EPB41L1: variants seen among roughly 807,000 people sequenced by gnomAD.
The protein encoded by EPB41L1 is band 4.1-like protein 1.
A neutral mutation model predicts 97.8 loss-of-function variants in EPB41L1; 29 were observed. That is an observed-to-expected ratio of 0.30 (90% CI 0.22 to 0.40). The LOEUF is 0.40. EPB41L1 is among the 10% of genes least tolerant of loss of function. The pLI, the probability that EPB41L1 is intolerant of heterozygous loss-of-function variation, is 1.00. For synonymous variants in EPB41L1, 383 were observed against 459.2 expected (o/e 0.83, Z 2.12); for missense variants, 812 against 1,162.3 (o/e 0.70, Z 4.38).
At chr20:36,125,467 T>C (rs887936759) in intron 2 of EPB41L1, 13 of 1,115,708 alleles carry the variant, frequency 1.2e-5, no homozygotes, top group Non-Finnish European at 1.6e-5. Flanking sequence ...GGAGGATCAA[T>C]GAGGTAGAAC....
intron 1 of EPB41L1, among the ~76,000 whole-genome samples, chr20:36,162,631 C>A (rs1019225256): frequency 2.6e-5 from 4 of 152,212 alleles, no homozygotes; most frequent in Non-Finnish European, 5.9e-5. Flanking sequence ...CCTTCTGCAT[C>A]GTCATCAGGA....
chr20:36,154,468 G>A (rs959340672), upstream of EPB41L1, among the ~76,000 whole-genome samples: 2 of 152,064 alleles, frequency 1.3e-5, no homozygotes, highest in Non-Finnish European at 1.5e-5. The surrounding 1 kb of genome is among the most constrained non-coding windows in gnomAD (Gnocchi z 5.5). Flanking sequence ...CGTGTGGCAC[G>A]GACCGGGAGG....
Position 36,212,310 on chromosome 20 carries a change from C to T in EPB41L1, c.2118C>T (p.Ala706=). 1 of 1,614,200 alleles carries T rather than the reference C, an allele frequency of 6.2e-7. No individual in the cohort carries two copies. Among genetic ancestry groups the T allele is most frequent in the Non-Finnish European group, 8.5e-7 (1 of 1,180,034 alleles). The part of the protein sequence containing the change: ...KTETMTVSSL[A]IRKKIEPEAV... ...AAACCATGACTGTCAGCAGTCTGGC[C>T]ATTAGAAAGAAGATTGAGCCGGAGG... Residue 706 remains alanine, a synonymous_variant, in exon 16 of 22, where the codon GCC becomes GCT. Transcript: ENST00000338074. This position sits in a 1 kb window ranked among gnomAD's most constrained non-coding sequence, Gnocchi z 4.8.
chr20:36,182,140 C>T, intron 5 of EPB41L1, 132 bp from the exon 6 acceptor site: 1 of 802,252 alleles, frequency 1.2e-6, no homozygotes, highest in Non-Finnish European at 2.2e-6. Flanking sequence ...GAATAATGTT[C>T]CAGCCTTCCT....
chr20:36,181,946 G>A (rs932464309), intron 5 of EPB41L1, among the ~76,000 whole-genome samples: 31 of 152,102 alleles, frequency 2.0e-4, no homozygotes, highest in African/African-American at 7.5e-4. Flanking sequence ...TATAAAATGG[G>A]GCTAATCATA....
At chr20:36,148,775 G>C (rs1011239561) in intron 2 of EPB41L1, 1 of 152,420 alleles carries the variant, frequency 6.6e-6, no homozygotes, top group African/African-American at 2.4e-5. Flanking sequence ...GTATAGAAGA[G>C]GAAGAGGGGC....
At chr20:36,214,300 CAG>C in intron 16 of EPB41L1, 55 bp from the exon 17 acceptor site, 1 of 1,420,574 alleles carries the variant, frequency 7.0e-7, no homozygotes. Context: ...GCCCAGGTGA[CAG>C]ATGCTGCAGG....
At chr20:36,225,306 A>G (rs1801933643) in intron 21 of EPB41L1, among the ~76,000 whole-genome samples, 1 of 152,086 alleles carries the variant, frequency 6.6e-6, no homozygotes, top group Admixed American at 6.6e-5. Context: ...TTCCTCCCAA[A>G]TCTCAGAGTG....
At chr20:36,127,356 G>A (rs2059012006) in intron 2 of EPB41L1, among the ~76,000 whole-genome samples, 1 of 152,170 alleles carries the variant, frequency 6.6e-6, no homozygotes, top group Admixed American at 6.5e-5. Context: ...GGCCCTGATT[G>A]GCTCCTGCTG....
intron 21 of EPB41L1, among the ~76,000 whole-genome samples, chr20:36,224,393 A>G (rs535685333): frequency 6.6e-6 from 1 of 152,310 alleles, no homozygotes; most frequent in East Asian, 1.9e-4. Context: ...TATGCCTGTA[A>G]TCTCAGCACT....
At chr20:36,188,746 G>A (rs1369082924) in intron 9 of EPB41L1, among the ~76,000 whole-genome samples, 4 of 151,912 alleles carry the variant, frequency 2.6e-5, no homozygotes, top group African/African-American at 9.7e-5. Flanking sequence ...TTAGAAGGCC[G>A]AGGAAGGTGG....
At chr20:36,188,641 C>CACACACACACACAG (rs1170858082) in intron 9 of EPB41L1, 142 bp downstream of exon 9, 28 of 273,738 alleles carry the variant, frequency 1.0e-4, no homozygotes, top group East Asian at 3.7e-4. Context: ...CACACACACA[C>CACACACACACACAG]AGAGAGAGAG....
intron 4 of EPB41L1, 48 bp downstream of exon 4, chr20:36,178,104 C>A: frequency 7.1e-7 from 1 of 1,412,092 alleles, no homozygotes; most frequent in Non-Finnish European, 1.0e-6. Flanking sequence ...CGTTAGGCTC[C>A]TGTAATCCTG....
At chr20:36,124,045 G>A (rs558983461) in intron 2 of EPB41L1, among the ~76,000 whole-genome samples, 100 of 152,060 alleles carry the variant, frequency 6.6e-4, no homozygotes, top group African/African-American at 2.3e-3. Flanking sequence ...TCAGGAGATC[G>A]AGACCATCCT....
At chr20:36,139,051 C>G (rs75653149) in intron 2 of EPB41L1, among the ~76,000 whole-genome samples, 1 of 152,324 alleles carries the variant, frequency 6.6e-6, no homozygotes, top group African/African-American at 2.4e-5. Flanking sequence ...CTGCCTGTCT[C>G]CCAGTGACTG....
In EPB41L1 at chr20:36,218,760, C is replaced by T. The variant is rs1601060043; in HGVS notation, c.2269-116C>T. ...ACTGAACGATGCCTTCAGTCCTTTG[C>T]TTCTATTATTTCTACTCAACCTTGT... On this transcript the variant is annotated intron_variant, in intron 17 of 21. Coordinates refer to ENST00000338074, the MANE Select transcript of EPB41L1 (RefSeq NM_012156.2). The T allele has an allele frequency of 4.3e-6, 4 of 932,614 alleles. No homozygotes were observed. The South Asian group carries it at 5.5e-5, about 13-fold the overall frequency. The allele number at this position is 932,614 out of a possible 1,614,324, so 57.8% of individuals were successfully genotyped here. A position where few individuals can be genotyped will look rare whatever the true frequency, so the allele number is the denominator to read the frequency against.
chr20:36,185,385 C>A (rs773677983), intron 7 of EPB41L1, 50 bp downstream of exon 7: 12 of 1,557,264 alleles, frequency 7.7e-6, no homozygotes. Flanking sequence ...CCAGTGGGAG[C>A]CTTCCTTGCA....
upstream of EPB41L1, among the ~76,000 whole-genome samples, chr20:36,153,602 G>A (rs142263858): frequency 8.7e-4 from 133 of 152,308 alleles, no homozygotes; most frequent in Middle Eastern, 0.014. Context: ...TGGAGATCAT[G>A]CTGCGGTTAC....
In EPB41L1 at chr20:36,185,340, G is replaced by C; in HGVS notation, c.785+5G>C. Reference sequence around the variant, plus strand: ...GGAGCTGCATAAGACATATAGGTAAGAGGGTGCCAGCCAGGGCCTTCTGTG... The same window carrying C: ...GGAGCTGCATAAGACATATAGGTAACAGGGTGCCAGCCAGGGCCTTCTGTG... On this transcript the variant is annotated splice_donor_5th_base_variant and intron_variant, in intron 7 of 21. Coordinates refer to ENST00000338074, the MANE Select transcript of EPB41L1 (RefSeq NM_012156.2). The C allele has an allele frequency of 6.2e-7, 1 of 1,611,468 alleles. No homozygotes were observed. Among genetic ancestry groups the C allele is most frequent in the Non-Finnish European group, 8.5e-7 (1 of 1,179,746 alleles).
Sources: gnomAD v4.1 joint callset for allele counts (sites outside exome capture counted in the v4.1 genomes callset) on GRCh38, gnomAD v4.1.1 for gene constraint, Gnocchi (gnomAD v3.1) non-coding constraint, MANE v1.5 for transcripts, NCBI Gene and HGNC (gene_info 2026-07-23, HGNC 2026-07-21) for gene names.